SRCIN1: variants seen among roughly 807,000 people sequenced by gnomAD.
SRCIN1 encodes SRC kinase signaling inhibitor 1, also known as P130Cas-associated protein.
A neutral mutation model predicts 116.2 loss-of-function variants in SRCIN1; 50 were observed. That is an observed-to-expected ratio of 0.43 (90% CI 0.34 to 0.54). The LOEUF (loss-of-function observed/expected upper bound fraction) is 0.54. Ranked by LOEUF, SRCIN1 falls within the 20% of genes least tolerant of loss-of-function variation. The pLI, the probability that SRCIN1 is intolerant of heterozygous loss-of-function variation, is 0.02. For synonymous variants in SRCIN1, 736 were observed against 750.0 expected (o/e 0.98, Z 0.30); for missense variants, 1,446 against 1,672.0 (o/e 0.86, Z 2.36).
At chr17:38,580,645 A>T (rs540091781) in intron 1 of SRCIN1, among the ~76,000 whole-genome samples, 1 of 152,306 alleles carries the variant, frequency 6.6e-6, no homozygotes, top group East Asian at 1.9e-4. Flanking sequence ...TCTTGAGTGA[A>T]CATTGACAGC....
At chr17:38,571,981 G>C (rs975349317) in intron 2 of SRCIN1, among the ~76,000 whole-genome samples, 2 of 152,174 alleles carry the variant, frequency 1.3e-5, no homozygotes, top group African/African-American at 4.8e-5. Context: ...CCCTGGGAGG[G>C]GAGGGGCTAG....
rs1905541094 is a variant in SRCIN1 at position 38,552,973 on chromosome 17, G to A, written c.2202-118C>T. 2.0e-6 allele frequency: 3 copies of A among 1,478,150 alleles called. No homozygotes were observed. The highest frequency in any genetic ancestry group is 2.7e-6 in the Non-Finnish European group (3 of 1,104,648). The allele number at this position is 1,478,150 out of a possible 1,614,324, so 91.6% of individuals were successfully genotyped here. On this transcript the variant is annotated intron_variant, in intron 11 of 18. Coordinates refer to ENST00000617146, the MANE Select transcript of SRCIN1 (RefSeq NM_025248.3). This position sits in a 1 kb window ranked among gnomAD's most constrained non-coding sequence, Gnocchi z 5.3. ...AGTTGGATCGAAAGTAAAAGCAGGA[G>A]GCTGGGCACCGTGGCTCACGCCCGT... is the stretch of plus-strand genomic sequence containing the variant.
At chr17:38,543,785 G>C (rs1904896386) in intron 18 of SRCIN1, 38 bp downstream of exon 18, 1 of 1,594,040 alleles carries the variant, frequency 6.3e-7, no homozygotes, top group African/African-American at 1.3e-5. Flanking sequence ...GCATGCAGCA[G>C]AGTGGGCCTG....
At chr17:38,556,414 CTGGGCTAGA>C (rs897715259) in intron 11 of SRCIN1, among the ~76,000 whole-genome samples, 10 of 152,364 alleles carry the variant, frequency 6.6e-5, no homozygotes, top group Admixed American at 2.6e-4. Flanking sequence ...ACCTTAAGTG[CTGGGCTAGA>C]TGGGCAGGTG....
At chr17:38,564,013 G>A in intron 4 of SRCIN1, 105 bp downstream of exon 4, 2 of 1,322,680 alleles carry the variant, frequency 1.5e-6, no homozygotes, top group African/African-American at 1.5e-5. Context: ...AGAGAGCAGA[G>A]CTTGAGGCGA....
chr17:38,543,074 A>G (rs1904847840), intron 18 of SRCIN1: 1 of 456,638 alleles, frequency 2.2e-6, no homozygotes, highest in African/African-American at 2.0e-5. Flanking sequence ...CCACAAGGGC[A>G]GTAAACACCC....
intron 15 of SRCIN1, among the ~76,000 whole-genome samples, chr17:38,549,456 A>T (rs1371047728): frequency 3.3e-5 from 5 of 152,252 alleles, no homozygotes; most frequent in African/African-American, 1.2e-4. Context: ...GACCAGCAGC[A>T]CTGGCAGCGC....
In SRCIN1 at chr17:38,531,948, TCTC is replaced by T. The variant is rs937061123; in HGVS notation, c.*1346_*1348del. On this transcript the variant is annotated 3_prime_UTR_variant, in exon 19 of 19. Coordinates refer to ENST00000617146, the MANE Select transcript of SRCIN1 (RefSeq NM_025248.3). ...GGGACCCCGCTCCTCCTCCTCCTCTTCTCCTATCCTCTCCCTACCGGCTCCTCA... is the reference window on the plus strand; with the variant it reads ...GGGACCCCGCTCCTCCTCCTCCTCTTCTATCCTCTCCCTACCGGCTCCTCA... 6.5e-6 allele frequency: 1 copy of T among 152,888 alleles called. No homozygotes were observed. Among genetic ancestry groups the T allele is most frequent in the Non-Finnish European group, 1.5e-5 (1 of 68,332 alleles). The allele number at this position is 152,888 out of a possible 1,614,324, so 9.5% of individuals were successfully genotyped here. A position where few individuals can be genotyped will look rare whatever the true frequency, so the allele number is the denominator to read the frequency against.
chr17:38,548,438 G>A (rs769608985), intron 17 of SRCIN1, 119 bp downstream of exon 17: 143 of 1,255,102 alleles, frequency 1.1e-4, no homozygotes, highest in Non-Finnish European at 1.5e-4. Flanking sequence ...AACAGCCAGC[G>A]CTCCGCAGGG....
chr17:38,567,765 C>T (rs1227210956), intron 3 of SRCIN1, among the ~76,000 whole-genome samples: 2 of 152,094 alleles, frequency 1.3e-5, no homozygotes, highest in Non-Finnish European at 2.9e-5. Flanking sequence ...ACGGACCAGC[C>T]CCCATGGTGG....
chr17:38,594,472 A>T lies in SRCIN1; in HGVS notation c.22+11212T>A, dbSNP rs1297929014. ...GTTCAGAGAGCTGGAAAAGGGCTGG[A>T]GGACGTGGAACCTGAAAATAGCCCC... On this transcript the variant is annotated intron_variant, in intron 1 of 18. Transcript: ENST00000617146. Among the ~76,000 whole-genome samples the T allele has an allele frequency of 2.6e-5, 4 of 152,098 alleles. No individual in the cohort carries two copies. The East Asian group carries it at 5.8e-4, about 22-fold the overall frequency.
chr17:38,565,181 C>T (rs923198448), intron 3 of SRCIN1, among the ~76,000 whole-genome samples: 3 of 152,144 alleles, frequency 2.0e-5, no homozygotes, highest in Non-Finnish European at 2.9e-5. Context: ...TGATTTCAAC[C>T]GTACTTTAAG....
chr17:38,538,958 A>G (rs1904560259), intron 18 of SRCIN1, among the ~76,000 whole-genome samples: 1 of 152,198 alleles, frequency 6.6e-6, no homozygotes, highest in Non-Finnish European at 1.5e-5. Flanking sequence ...TGATGCCAAC[A>G]GGGTGTAAGA....
In SRCIN1 at chr17:38,559,626, T is replaced by G; in HGVS notation, c.1984A>C (p.Ser662Arg). The stretch of plus-strand genomic sequence containing the variant: ...TGCTGGAGCTGGCCGCGCAAGTCAC[T>G]GGCGCTGTTCTGCAGGCCTCGCAGG... The part of the protein sequence containing the change: ...LHLRGLQNSA[S>R]DLRGQLQQLR... Residue 662 changes from serine to arginine, a missense_variant, in exon 10 of 19, where the codon AGT becomes CGT. Ser to Arg is a moderately radical substitution (Grantham distance 110). Around this residue, in one of 5 missense-constraint regions of SRCIN1, gnomAD observed 398 missense variants for 385.6 expected, o/e 1.03. Coordinates refer to ENST00000617146, the MANE Select transcript of SRCIN1 (RefSeq NM_025248.3). 6.2e-7 allele frequency: 1 copy of G among 1,602,940 alleles called. No individual in the cohort carries two copies. The highest frequency in any genetic ancestry group is 8.5e-7 in the Non-Finnish European group (1 of 1,179,452).
Position 38,551,075 on chromosome 17 carries a change from T to C in SRCIN1, c.2962+80A>G, listed in dbSNP as rs1377774116. On this transcript the variant is annotated intron_variant, in intron 15 of 18. Coordinates refer to ENST00000617146, the MANE Select transcript of SRCIN1 (RefSeq NM_025248.3). ...AACCACAATGATCTTGAGATCCCAG[T>C]GCCTCCCCCATCAGCCTGGGCTCCT... 6.4e-5 allele frequency: 40 copies of C among 627,678 alleles called. No individual in the cohort carries two copies. In the Admixed American group the frequency reaches 1.2e-3, roughly 19 times the overall value. 38.9% of individuals were successfully genotyped at this position (627,678 alleles called of 1,614,324 possible).
chr17:38,598,827 G>A (rs1246495459), intron 1 of SRCIN1, among the ~76,000 whole-genome samples: 1 of 152,196 alleles, frequency 6.6e-6, no homozygotes, highest in Admixed American at 6.5e-5. Context: ...GGAATGGAGT[G>A]TGGCAAAGCC....
At chr17:38,587,934 T>TC (rs1202121875) in intron 1 of SRCIN1, among the ~76,000 whole-genome samples, 2 of 150,908 alleles carry the variant, frequency 1.3e-5, no homozygotes, top group South Asian at 4.2e-4. Flanking sequence ...CCCCTGCCCC[T>TC]CCTCTTTCAC....
chr17:38,559,567 C>G lies in SRCIN1; in HGVS notation c.2025+18G>C, dbSNP rs562719967. 1 of 1,594,118 alleles carries G rather than the reference C, an allele frequency of 6.3e-7. No individual in the cohort carries two copies. The highest frequency in any genetic ancestry group is 1.3e-5 in the African/African-American group (1 of 74,626). ...GTAGGTGGGCGTTGGTGGGGCGGGG[C>G]CCAGGACGGGGCGGTACCTGGAGCT... is the stretch of plus-strand genomic sequence containing the variant. On this transcript the variant is annotated intron_variant, in intron 10 of 18. Coordinates refer to ENST00000617146, the MANE Select transcript of SRCIN1 (RefSeq NM_025248.3).
chr17:38,546,291 C>T (rs777925109), intron 17 of SRCIN1, among the ~76,000 whole-genome samples: 10 of 152,248 alleles, frequency 6.6e-5, no homozygotes, highest in African/African-American at 1.4e-4. Flanking sequence ...CACCCAAGGC[C>T]ACCCACCCAC....
Sources: allele counts gnomAD v4.1 joint callset (sites outside exome capture counted in the v4.1 genomes callset), GRCh38; gene constraint gnomAD v4.1.1; regional missense constraint gnomAD v4.1.1; non-coding constraint Gnocchi (gnomAD v3.1); transcripts MANE v1.5; gene names NCBI Gene and HGNC (gene_info 2026-07-23, HGNC 2026-07-21).